The following TFDP2 variants were observed in gnomAD, a reference collection of about 807,000 sequenced individuals.
TFDP2 encodes the protein transcription factor Dp-2.
A neutral mutation model predicts 59.3 loss-of-function variants in TFDP2; 17 were observed. That is an observed-to-expected ratio of 0.29 (90% CI 0.20 to 0.43). The LOEUF (loss-of-function observed/expected upper bound fraction) is 0.43, where lower values mean the gene tolerates loss of function less well. TFDP2 is among the 20% of genes least tolerant of loss of function. The pLI is 1.00. For missense variants in TFDP2, 391 were observed against 528.8 expected (o/e 0.74, Z 2.56); for synonymous variants, 180 against 194.7 (o/e 0.92, Z 0.63).
In TFDP2 at chr3:141,970,160, A is replaced by G. The variant is rs1172378914; in HGVS notation, c.664-19T>C. ...TCTCTATCTTTAAAACATTGGTTACAAAATAATATGAACATAGGTAGACTA... is the reference window on the plus strand; with the variant it reads ...TCTCTATCTTTAAAACATTGGTTACGAAATAATATGAACATAGGTAGACTA... On this transcript the variant is annotated intron_variant, in intron 8 of 12. Transcript: ENST00000489671. 1 of 1,611,152 alleles carries G rather than the reference A, an allele frequency of 6.2e-7. No homozygotes were observed. The highest frequency in any genetic ancestry group is 1.3e-5 in the African/African-American group (1 of 75,018).
At chr3:142,051,070 G>C (rs1369002601) in intron 3 of TFDP2, among the ~76,000 whole-genome samples, 1 of 152,146 alleles carries the variant, frequency 6.6e-6, no homozygotes, top group African/African-American at 2.4e-5. Context: ...TGGTTTTAAG[G>C]CTTAGTATGC....
At chr3:142,049,856 A>G (rs908605410) in intron 3 of TFDP2, among the ~76,000 whole-genome samples, 4 of 152,248 alleles carry the variant, frequency 2.6e-5, no homozygotes, top group African/African-American at 9.6e-5. Context: ...ATAGCATAAA[A>G]TATTAAATAT....
intron 3 of TFDP2, among the ~76,000 whole-genome samples, chr3:142,023,307 C>T (rs1373013760): frequency 6.6e-6 from 1 of 151,014 alleles, no homozygotes; most frequent in Non-Finnish European, 1.5e-5. Flanking sequence ...GTCTCAGCCT[C>T]CTGAGTAGCT....
chr3:142,058,980 T>G (rs2059830784), intron 3 of TFDP2, among the ~76,000 whole-genome samples: 1 of 152,190 alleles, frequency 6.6e-6, no homozygotes, highest in Admixed American at 6.5e-5. Flanking sequence ...GGGACCCCAG[T>G]CAACAATCTT....
chr3:141,961,597 A>C (rs1359374455), intron 10 of TFDP2, among the ~76,000 whole-genome samples: 1 of 152,156 alleles, frequency 6.6e-6, no homozygotes, highest in African/African-American at 2.4e-5. Flanking sequence ...ATATATTTAT[A>C]AAGAATTTGC....
At chr3:141,953,207 G>C (rs1353209905) in intron 11 of TFDP2, among the ~76,000 whole-genome samples, 191 bp from the exon 12 acceptor site, 1 of 151,468 alleles carries the variant, frequency 6.6e-6, no homozygotes, top group African/African-American at 2.4e-5. Context: ...TAGAACATAA[G>C]AGCAGGAAAA....
rs35650402 is a variant in TFDP2, at chr3:141,956,940, A to ACC, written c.1051+2732_1051+2733dup. Among the ~76,000 whole-genome samples the ACC allele has an allele frequency of 3.8e-3, 522 of 137,804 alleles. 2 individuals are homozygous for ACC. The highest frequency in any genetic ancestry group is 0.011 in the Middle Eastern group (3 of 284). 90.4% of individuals were successfully genotyped at this position (137,804 alleles called of 152,430 possible). ...CTCCCCTCCACCACCACCCTGCCCC[A>ACC]CCCCCCCCACAAAAATCACAGCGAG... On this transcript the variant is annotated intron_variant, in intron 11 of 12. Coordinates refer to ENST00000489671, the MANE Select transcript of TFDP2 (RefSeq NM_001178139.2).
chr3:141,989,889 TAATA>T lies in TFDP2; in HGVS notation c.356+3645_356+3648del, dbSNP rs1559983563. Among the ~76,000 whole-genome samples the T allele has an allele frequency of 1.2e-3, 180 of 149,908 alleles. 1 individual carries two copies. The highest frequency in any genetic ancestry group is 4.2e-3 in the African/African-American group (171 of 40,930). ...TACAGATTTACTTTAATAATAATAA[TAATA>T]ATTATTATTATTATTATTGAGACAG... is the stretch of plus-strand genomic sequence containing the variant. On this transcript the variant is annotated intron_variant, in intron 6 of 12. Coordinates refer to ENST00000489671, the MANE Select transcript of TFDP2 (RefSeq NM_001178139.2).
At chr3:142,043,897 A>G in intron 3 of TFDP2, 1 of 1,018,272 alleles carries the variant, frequency 9.8e-7, no homozygotes, top group Non-Finnish European at 1.6e-6. Flanking sequence ...GTATCTTCTA[A>G]GCAGCCGGCG....
intron 3 of TFDP2, among the ~76,000 whole-genome samples, chr3:142,029,341 T>C (rs1245894259): frequency 2.0e-5 from 3 of 151,628 alleles, no homozygotes; most frequent in Non-Finnish European, 4.4e-5. Context: ...AGCTTAGTTG[T>C]GCTTTTTTTT....
Position 141,987,646 on chromosome 3 carries a change from G to A in TFDP2, c.356+5892C>T, listed in dbSNP as rs985454940. ...TGTGTGTTTTAAAGACATTCTTCTCGGCCGGGTGCGGTGGTTCATGCCTGT... is the reference window on the plus strand; with the variant it reads ...TGTGTGTTTTAAAGACATTCTTCTCAGCCGGGTGCGGTGGTTCATGCCTGT... On this transcript the variant is annotated intron_variant, in intron 6 of 12. Transcript: ENST00000489671. Among the ~76,000 whole-genome samples the A allele has an allele frequency of 5.0e-4, 75 of 150,898 alleles. 1 individual carries two copies. The highest frequency in any genetic ancestry group is 5.9e-5 in the Non-Finnish European group (4 of 67,666).
chr3:142,145,953 A>C (rs995673645), intron 1 of TFDP2, among the ~76,000 whole-genome samples: 1 of 152,188 alleles, frequency 6.6e-6, no homozygotes, highest in Non-Finnish European at 1.5e-5. Flanking sequence ...TGAATTTCTA[A>C]TTGGGTGACC....
chr3:142,005,340 G>A (rs947283387), intron 4 of TFDP2, 101 bp downstream of exon 4: 1 of 1,022,184 alleles, frequency 9.8e-7, no homozygotes. Context: ...ACCGCGCCTG[G>A]TTTAACTGGA....
chr3:142,076,549 G>C (rs1016899838), intron 3 of TFDP2, among the ~76,000 whole-genome samples: 1 of 152,204 alleles, frequency 6.6e-6, no homozygotes, highest in African/African-American at 2.4e-5. Context: ...TAATGTGATA[G>C]TGGTTTCAAT....
At chr3:142,134,654 G>A (rs2062653786) in intron 1 of TFDP2, among the ~76,000 whole-genome samples, 1 of 151,942 alleles carries the variant, frequency 6.6e-6, no homozygotes, top group Non-Finnish European at 1.5e-5. Flanking sequence ...TTCTGTTTTT[G>A]CTCACAGCCA....
In TFDP2 at chr3:142,012,307, C is replaced by A. The variant is rs60203764; in HGVS notation, c.83-6763G>T. Reference sequence around the variant, plus strand: ...GATCATAGGCGTGAGCCACCATGCTCGGCCTATAATTCTACACATTTTAAA... The same window carrying A: ...GATCATAGGCGTGAGCCACCATGCTAGGCCTATAATTCTACACATTTTAAA... On this transcript the variant is annotated intron_variant, in intron 3 of 12. Coordinates refer to ENST00000489671, the MANE Select transcript of TFDP2 (RefSeq NM_001178139.2). Among the ~76,000 whole-genome samples, 1,313 of 152,232 alleles carry A rather than the reference C, an allele frequency of 8.6e-3. 21 individuals carry two copies. Among genetic ancestry groups the A allele is most frequent in the African/African-American group, 0.029 (1,223 of 41,550 alleles).
chr3:141,952,722 G>A (rs777623425), intron 12 of TFDP2, 26 bp from the exon 13 acceptor site: 3 of 1,606,120 alleles, frequency 1.9e-6, no homozygotes, highest in Non-Finnish European at 2.5e-6. Context: ...AAACACACAG[G>A]CTCATTAATG....
chr3:141,983,460 A>G (rs1180045988), intron 6 of TFDP2, among the ~76,000 whole-genome samples: 1 of 152,072 alleles, frequency 6.6e-6, no homozygotes, highest in African/African-American at 2.4e-5. Flanking sequence ...AACATGGTGA[A>G]ACTCCATCTC....
chr3:142,002,321 T>G (rs1943858942), intron 4 of TFDP2, among the ~76,000 whole-genome samples: 1 of 146,694 alleles, frequency 6.8e-6, no homozygotes, highest in African/African-American at 2.5e-5. Context: ...TTTAGTGTTT[T>G]TTTTTTTTTT....
Sources: allele counts gnomAD v4.1 joint callset (sites outside exome capture counted in the v4.1 genomes callset), GRCh38; gene constraint gnomAD v4.1.1; transcripts MANE v1.5; gene names NCBI Gene and HGNC (gene_info 2026-07-23, HGNC 2026-07-21).